Variants in RYR3 observed in about 807,000 individuals in gnomAD.
RYR3 encodes the protein brain ryanodine receptor-calcium release channel.
A neutral mutation model predicts 584.3 loss-of-function variants in RYR3; 207 were observed. That is an observed-to-expected ratio of 0.35 (90% CI 0.32 to 0.40). The LOEUF is 0.40. RYR3 is among the 10% of genes least tolerant of loss of function. The probability of loss-of-function intolerance (pLI) is 1.00; values close to 1 mark genes in which losing one functional copy is unlikely to be tolerated. For missense variants in RYR3, 5,616 were observed against 6,089.2 expected, an observed-to-expected ratio of 0.92 and a Z score of 2.59; for synonymous variants, 2,416 against 2,248.5, an observed-to-expected ratio of 1.07 and a Z score of -2.11.
chr15:33,863,341 G>C (rs1889202998), intron 102 of RYR3, among the ~76,000 whole-genome samples: 1 of 152,264 alleles, frequency 6.6e-6, no homozygotes, highest in Non-Finnish European at 1.5e-5. Flanking sequence ...AACATACTTA[G>C]AGCTGCTACT....
chr15:33,350,517 T>C (rs62013804), intron 1 of RYR3, among the ~76,000 whole-genome samples: 7 of 133,776 alleles, frequency 5.2e-5, no homozygotes, highest in African/African-American at 1.6e-4. Context: ...GAAGTAAAGC[T>C]CTCCTCAGCA....
intron 3 of RYR3, among the ~76,000 whole-genome samples, chr15:33,509,483 T>C (rs2052778351): frequency 6.6e-6 from 1 of 152,228 alleles, no homozygotes. Flanking sequence ...GGAGGAAACA[T>C]GACTGATGGA....
chr15:33,320,741 T>C (rs183521009), intron 1 of RYR3, among the ~76,000 whole-genome samples: 14 of 152,210 alleles, frequency 9.2e-5, no homozygotes, highest in Non-Finnish European at 1.9e-4. Context: ...AATGAGTTCA[T>C]CCATGTGAGG....
intron 8 of RYR3, among the ~76,000 whole-genome samples, chr15:33,544,766 G>T (rs536654089): frequency 2.6e-5 from 4 of 152,276 alleles, no homozygotes; most frequent in African/African-American, 9.6e-5. Flanking sequence ...ATAGGAACCA[G>T]ATGTGACCCA....
At chr15:33,702,172 G>A (rs529741449) in intron 42 of RYR3, among the ~76,000 whole-genome samples, 11 of 152,280 alleles carry the variant, frequency 7.2e-5, no homozygotes, top group African/African-American at 2.2e-4. Flanking sequence ...GCCAGGCATC[G>A]AGAGCGCTGG....
At chr15:33,582,388 T>A (rs1333127862) in intron 14 of RYR3, among the ~76,000 whole-genome samples, 1 of 152,172 alleles carries the variant, frequency 6.6e-6, no homozygotes, top group Non-Finnish European at 1.5e-5. Flanking sequence ...CCCAGAGAAA[T>A]CAGTCCGGAC....
intron 1 of RYR3, among the ~76,000 whole-genome samples, chr15:33,349,337 T>C (rs986184560): frequency 2.6e-5 from 4 of 152,074 alleles, no homozygotes; most frequent in Admixed American, 2.6e-4. Flanking sequence ...GCAGGTTTAG[T>C]TTATAAGAAA....
chr15:33,372,761 C>T (rs1008396307), intron 1 of RYR3, among the ~76,000 whole-genome samples: 1 of 152,182 alleles, frequency 6.6e-6, no homozygotes, highest in Non-Finnish European at 1.5e-5. Flanking sequence ...CCACCTTGGC[C>T]TCCCAAAGTG....
At chr15:33,409,774 T>G (rs2043277957) in intron 1 of RYR3, among the ~76,000 whole-genome samples, 1 of 152,150 alleles carries the variant, frequency 6.6e-6, no homozygotes, top group Non-Finnish European at 1.5e-5. Context: ...GTCTGAAAAA[T>G]AGCTGAATTA....
chr15:33,621,201 A>C (rs932030098), intron 19 of RYR3, among the ~76,000 whole-genome samples: 4 of 152,224 alleles, frequency 2.6e-5, no homozygotes, highest in African/African-American at 9.7e-5. Context: ...TGAATAATTA[A>C]ATTCCTCTAG....
At chr15:33,519,468 TG>T (rs2053800411) in intron 3 of RYR3, among the ~76,000 whole-genome samples, 1 of 152,094 alleles carries the variant, frequency 6.6e-6, no homozygotes, top group Non-Finnish European at 1.5e-5. Flanking sequence ...CAGAAGTGCT[TG>T]CCGACTGCAT....
intron 1 of RYR3, among the ~76,000 whole-genome samples, chr15:33,448,133 C>G (rs567891221): frequency 1.3e-5 from 2 of 152,222 alleles, no homozygotes; most frequent in East Asian, 1.9e-4. Flanking sequence ...AGTTTCTTCT[C>G]TCTTGTCTTG....
At chr15:33,590,778 T>C (rs1467314231) in intron 16 of RYR3, among the ~76,000 whole-genome samples, 3 of 152,266 alleles carry the variant, frequency 2.0e-5, no homozygotes, top group South Asian at 4.1e-4. Context: ...ATTTTTCCTT[T>C]AAATATAATT....
intron 93 of RYR3, among the ~76,000 whole-genome samples, chr15:33,845,631 C>CAAGT (rs2078677062): frequency 1.3e-5 from 2 of 152,176 alleles, no homozygotes; most frequent in African/African-American, 4.8e-5. Flanking sequence ...TTTGAGAAGC[C>CAAGT]TTGAGCTAGG....
intron 76 of RYR3, among the ~76,000 whole-genome samples, chr15:33,819,360 T>C (rs2076987085): frequency 6.6e-6 from 1 of 152,154 alleles, no homozygotes; most frequent in Non-Finnish European, 1.5e-5. Flanking sequence ...TCTTAGTCTT[T>C]ATTGTGGGGT....
intron 18 of RYR3, among the ~76,000 whole-genome samples, chr15:33,606,764 C>T (rs1400398442): frequency 6.6e-6 from 1 of 152,162 alleles, no homozygotes; most frequent in African/African-American, 2.4e-5. Flanking sequence ...GAGCAGCCTA[C>T]ACAGTATGTT....
intron 60 of RYR3, 88 bp downstream of exon 60, chr15:33,757,684 T>C (rs2152861754): frequency 1.4e-6 from 2 of 1,413,136 alleles, no homozygotes; most frequent in South Asian, 1.3e-5. Flanking sequence ...GCGAGTCTTT[T>C]GGAGAAATGA....
chr15:33,518,891 C>A (rs1309676186), intron 3 of RYR3, among the ~76,000 whole-genome samples: 2 of 152,148 alleles, frequency 1.3e-5, no homozygotes, highest in East Asian at 3.9e-4. Context: ...ATGTAGAATG[C>A]AATTCTAAGA....
chr15:33,798,571 C>T (rs746233227), intron 67 of RYR3, among the ~76,000 whole-genome samples: 2 of 152,290 alleles, frequency 1.3e-5, no homozygotes, highest in African/African-American at 2.4e-5. Flanking sequence ...GGTTTATTTC[C>T]AGGAGGCCCA....
Sources: allele counts gnomAD v4.1 joint callset (sites outside exome capture counted in the v4.1 genomes callset), GRCh38; gene constraint gnomAD v4.1.1; transcripts MANE v1.5; gene names NCBI Gene and HGNC (gene_info 2026-07-23, HGNC 2026-07-21).